Variants in HSPG2 observed in about 807,000 individuals in gnomAD.
HSPG2 encodes heparan sulfate proteoglycan 2, also known as basement membrane-specific heparan sulfate proteoglycan core protein.
Under a neutral mutation model 526.6 loss-of-function variants are expected in HSPG2, and 278 were observed. The observed-to-expected ratio is 0.53, with a 90% CI of 0.48 to 0.58. The LOEUF (loss-of-function observed/expected upper bound fraction) is 0.58, where lower values mean the gene tolerates loss of function less well. Among genes scored for constraint, HSPG2 ranks in the 20% least tolerant of loss-of-function variants. The pLI is 0.00. For synonymous variants in HSPG2, 2,465 were observed against 2,555.4 expected (o/e 0.96, Z 1.07); for missense variants, 5,354 against 6,099.5 (o/e 0.88, Z 4.07).
In HSPG2 at chr1:21,872,223, A is replaced by G. The variant is rs868076162; in HGVS notation, c.4184T>C (p.Phe1395Ser). Residue 1395 changes from phenylalanine (F) to serine (S), a missense_variant, in exon 33 of 97, where the codon TTC (phenylalanine) becomes TCC (serine). By Grantham distance (155) the Phe-to-Ser change is radical. Transcript: ENST00000374695. The surrounding 1 kb of genome is among the most constrained non-coding windows in gnomAD (Gnocchi z 5.5). ...GTATGTCTCCGGCAGCTGCCAGTAG[A>G]AGGACTCATGGCCGAGTTGGGCAAA... ...GNFAQLGHES[F>S]YWQLPETYQG... The G allele has an allele frequency of 1.8e-5, 28 of 1,552,272 alleles. No individual in the cohort carries two copies. In the Middle Eastern group the frequency reaches 4.5e-3, roughly 250 times the overall value.
At chr1:21,869,060 G>C (rs1424280531) in intron 33 of HSPG2, 1 of 262,194 alleles carries the variant, frequency 3.8e-6, no homozygotes. Flanking sequence ...ACCGTCATGG[G>C]AGGGAGGCCT....
rs1642061275 is a variant in HSPG2 at position 21,887,995 on chromosome 1, C to G, written c.646G>C (p.Glu216Gln). The G allele has an allele frequency of 2.5e-6, 4 of 1,614,074 alleles. No homozygotes were observed. The highest frequency in any genetic ancestry group is 1.3e-5 in the African/African-American group (1 of 74,920). ...CHSYNECVALEYRCDRRPDCR... is the reference protein window; with the variant it reads ...CHSYNECVALQYRCDRRPDCR... ...TCGGGCCGCCGGTCACAGCGATACT[C>G]CAGGGCCACACACTCATTGTAGCTG... Residue 216 changes from glutamate (E) to glutamine (Q), a missense_variant, in exon 7 of 97, where the codon GAG (glutamate) becomes CAG (glutamine). By Grantham distance (29) the Glu-to-Gln change is conservative. Transcript: ENST00000374695. This position sits in a 1 kb window ranked among gnomAD's most constrained non-coding sequence, Gnocchi z 5.0.
intron 71 of HSPG2, among the ~76,000 whole-genome samples, 161 bp from the exon 72 acceptor site, chr1:21,840,178 G>A (rs1430763300): frequency 5.3e-5 from 8 of 152,064 alleles, no homozygotes; most frequent in African/African-American, 9.7e-5. Flanking sequence ...TTACTCTGTC[G>A]CACAGGTTGG....
chr1:21,864,974 A>G lies in HSPG2; in HGVS notation c.4495T>C (p.Ser1499Pro). Residue 1499 changes from serine to proline, a missense_variant, in exon 36 of 97, where the codon TCC (serine) becomes CCC (proline). Ser to Pro is a moderately conservative substitution (Grantham distance 74, BLOSUM62 -1). Coordinates refer to ENST00000374695, the MANE Select transcript of HSPG2 (RefSeq NM_005529.7). The surrounding 1 kb of genome is among the most constrained non-coding windows in gnomAD (Gnocchi z 4.8). ...CTGATGCTGGCCGCCAGCGGCACGGAGGAGAACGTGGCCCGGATCAGGAGC... is the reference window on the plus strand; with the variant it reads ...CTGATGCTGGCCGCCAGCGGCACGGGGGAGAACGTGGCCCGGATCAGGAGC... The part of the protein sequence containing the change: ...DELLIRATFS[S>P]VPLAASISAV... The G allele has an allele frequency of 6.3e-7, 1 of 1,593,864 alleles. No individual in the cohort carries two copies. The highest frequency in any genetic ancestry group is 8.5e-7 in the Non-Finnish European group (1 of 1,172,182).
At position 21,839,092 on chromosome 1, in the gene HSPG2, G is replaced by A. The variant is rs377609659; in HGVS notation, c.9890-7C>T. The A allele has an allele frequency of 6.4e-6, 10 of 1,574,628 alleles. No individual in the cohort carries two copies. The African/African-American group carries it at 1.1e-4, about 17-fold the overall frequency. On this transcript the variant is annotated splice_region_variant and splice_polypyrimidine_tract_variant and intron_variant, in intron 73 of 96. Transcript: ENST00000374695. The surrounding 1 kb of genome is among the most constrained non-coding windows in gnomAD (Gnocchi z 4.5). ...GTGGTGGCATATGGTGGGCCTGAGTGGGGGGACACAGAGGTCAGGATTGGG... is the reference window on the plus strand; with the variant it reads ...GTGGTGGCATATGGTGGGCCTGAGTAGGGGGACACAGAGGTCAGGATTGGG...
rs34792235 is a variant in HSPG2 at position 21,846,651 on chromosome 1, C to T, written c.8165-52G>A. On this transcript the variant is annotated intron_variant, in intron 62 of 96. Coordinates refer to ENST00000374695, the MANE Select transcript of HSPG2 (RefSeq NM_005529.7). Reference sequence around the variant, plus strand: ...GCACAGCCGTTGTCAGATTTGGGAACAGGGTTGGTGGGACCCTCTGCCATA... The same window carrying T: ...GCACAGCCGTTGTCAGATTTGGGAATAGGGTTGGTGGGACCCTCTGCCATA... 90,805 of 1,606,920 alleles carry T rather than the reference C, an allele frequency of 0.057. 3,078 individuals are homozygous for T. The highest frequency in any genetic ancestry group is 0.11 in the South Asian group (9,924 of 90,942).
chr1:21,856,347 G>A (rs1183543248), intron 44 of HSPG2, among the ~76,000 whole-genome samples: 1 of 152,152 alleles, frequency 6.6e-6, no homozygotes, highest in Non-Finnish European at 1.5e-5. Flanking sequence ...CTCAGCTTAG[G>A]TGTCACCTCC....
In HSPG2 at chr1:21,890,030, G is replaced by A; in HGVS notation, c.525C>T (p.Ala175=). 1 of 1,614,100 alleles carries A rather than the reference G, an allele frequency of 6.2e-7. No homozygotes were observed. The highest frequency in any genetic ancestry group is 8.5e-7 in the Non-Finnish European group (1 of 1,180,010). ...LLRVISSGSV[A]SYVTSPQGFQ... Reference sequence around the variant, plus strand: ...ATCCCTGGGGAGAGGTGACGTAGGAGGCCACAGAGCCGCTGGAGATGACCC... The same window carrying A: ...ATCCCTGGGGAGAGGTGACGTAGGAAGCCACAGAGCCGCTGGAGATGACCC... Residue 175 remains alanine (A), a synonymous_variant, in exon 6 of 97, where the codon GCC becomes GCT. Transcript: ENST00000374695. This position sits in a 1 kb window ranked among gnomAD's most constrained non-coding sequence, Gnocchi z 4.1.
At chr1:21,862,249 A>G in intron 37 of HSPG2, 134 bp from the exon 38 acceptor site, 1 of 1,079,912 alleles carries the variant, frequency 9.3e-7, no homozygotes, top group Non-Finnish European at 1.4e-6. Flanking sequence ...GAAGGGCACA[A>G]AGATTTCATT....
intron 1 of HSPG2, among the ~76,000 whole-genome samples, chr1:21,910,411 A>G (rs74062216): frequency 0.011 from 1,689 of 152,332 alleles, 31 homozygotes; most frequent in African/African-American, 0.038. Context: ...TCCTGTGCTC[A>G]GCAGCACTGC....
At position 21,931,924 on chromosome 1, in the gene HSPG2, G is replaced by A. The variant is rs531020294; in HGVS notation, c.63+5231C>T. 5.9e-5 allele frequency among the ~76,000 whole-genome samples: 9 copies of A among 152,272 alleles called. No homozygotes were observed. In the East Asian group the frequency reaches 1.7e-3, roughly 29 times the overall value. ...CCACTAGCAGCATGGCAGGGGCAGG[G>A]GCCCCTGACCTCCCACACTGGGCAG... On this transcript the variant is annotated intron_variant, in intron 1 of 96. Transcript: ENST00000374695.
rs1227629728 is a variant in HSPG2 at position 21,893,336 on chromosome 1, T to C, written c.244+2586A>G. Among the ~76,000 whole-genome samples the C allele has an allele frequency of 6.6e-6, 1 of 152,156 alleles. No homozygotes were observed. Among genetic ancestry groups the C allele is most frequent in the East Asian group, 1.9e-4 (1 of 5,182 alleles). ...CATGGGGAAGAACGCCCGCCAGGGT[T>C]CCAGCCCACTGTGTTTAGATCTGTG... On this transcript the variant is annotated intron_variant, in intron 3 of 96. Transcript: ENST00000374695. The surrounding 1 kb of genome is among the most constrained non-coding windows in gnomAD (Gnocchi z 4.3).
rs1323567115 is a variant in HSPG2 at position 21,822,491 on chromosome 1, CGTCCGTCCGTTGTCTGTTGGAGGA to C, written c.*801_*824del. On this transcript the variant is annotated 3_prime_UTR_variant, in exon 97 of 97. Transcript: ENST00000374695. The stretch of plus-strand genomic sequence containing the variant: ...GCTCTTCCTGAGCACCAGCGGCATC[CGTCCGTCCGTTGTCTGTTGGAGGA>C]GTCCCTGGGCCTTCACTTCCAGATG... The C allele has an allele frequency of 8.1e-6, 3 of 371,872 alleles. No individual in the cohort carries two copies. Among genetic ancestry groups the C allele is most frequent in the African/African-American group, 6.3e-5 (3 of 47,480 alleles). 23.0% of individuals were successfully genotyped at this position (371,872 alleles called of 1,614,324 possible).
At chr1:21,877,038 G>A (rs766111815) in intron 21 of HSPG2, among the ~76,000 whole-genome samples, 2 of 132,112 alleles carry the variant, frequency 1.5e-5, no homozygotes, top group Admixed American at 8.9e-5. Flanking sequence ...CAGCCTACGC[G>A]ATGGGAGCGA....
rs764900769 is a variant in HSPG2 at position 21,872,708 on chromosome 1, A to G, written c.3941T>C (p.Leu1314Pro). 6.2e-7 allele frequency: 1 copy of G among 1,609,350 alleles called. No individual in the cohort carries two copies. Among genetic ancestry groups the G allele is most frequent in the Non-Finnish European group, 8.5e-7 (1 of 1,178,650 alleles). ...CSHCRPHHFH[L>P]SASNPDGCLP... ...GCAGCCGTCTGGGTTGCTGGCACTC[A>G]GGTGGAAGTGGTGGGGCCGGCAGTG... The change falls in exon 32 of 97, where the codon CTG becomes CCG. Residue 1314 changes from leucine to proline, a missense_variant. Coordinates refer to ENST00000374695, the MANE Select transcript of HSPG2 (RefSeq NM_005529.7). The surrounding 1 kb of genome is among the most constrained non-coding windows in gnomAD (Gnocchi z 5.5).
At chr1:21,909,966 CGCAGAACTTGAGCTGCT>C (rs1557821784) in intron 1 of HSPG2, among the ~76,000 whole-genome samples, 1 of 152,234 alleles carries the variant, frequency 6.6e-6, no homozygotes, top group Non-Finnish European at 1.5e-5. Flanking sequence ...ACGTTGCTCA[CGCAGAACTTGAGCTGCT>C]GCTCCACCCT....
In HSPG2 at chr1:21,885,162, G is replaced by A; in HGVS notation, c.1211-5C>T. 1 of 1,607,204 alleles carries A rather than the reference G, an allele frequency of 6.2e-7. No homozygotes were observed. The highest frequency in any genetic ancestry group is 8.5e-7 in the Non-Finnish European group (1 of 1,176,450). On this transcript the variant is annotated splice_region_variant and splice_polypyrimidine_tract_variant and intron_variant, in intron 10 of 96. Transcript: ENST00000374695. ...GTGTCACCACCTGGGGGGGCACTGA[G>A]GAGACCAGGGCAGGAGTGAGGGGTC... is the stretch of plus-strand genomic sequence containing the variant.
rs1640174760 is a variant in HSPG2, at chr1:21,865,746, G to C, written c.4285C>G (p.Pro1429Ala). ...ATCTGCACATCGGGGTCAGAGAGTG[G>C]GCTGCCCTGTGGGCCTGCTGTGTAG... The part of the protein sequence containing the change: ...LSYTAGPQGS[P>A]LSDPDVQITG... Residue 1429 changes from proline (P) to alanine (A), a missense_variant, in exon 34 of 97, where the codon CCA becomes GCA. Coordinates refer to ENST00000374695, the MANE Select transcript of HSPG2 (RefSeq NM_005529.7). This position sits in a 1 kb window ranked among gnomAD's most constrained non-coding sequence, Gnocchi z 5.4. 6.2e-7 allele frequency: 1 copy of C among 1,613,786 alleles called. No individual in the cohort carries two copies. The highest frequency in any genetic ancestry group is 1.7e-5 in the Admixed American group (1 of 60,004).
rs369296895 is a variant in HSPG2, at chr1:21,887,972, G to A, written c.669C>T (p.Pro223=). ...GCTCATCAGACATGTCCCTGCAGTCGGGCCGCCGGTCACAGCGATACTCCA... is the reference window on the plus strand; with the variant it reads ...GCTCATCAGACATGTCCCTGCAGTCAGGCCGCCGGTCACAGCGATACTCCA... The part of the protein sequence containing the change: ...VALEYRCDRR[P]DCRDMSDELN... Residue 223 remains proline (P), a synonymous_variant, in exon 7 of 97, where the codon CCC becomes CCT. Coordinates refer to ENST00000374695, the MANE Select transcript of HSPG2 (RefSeq NM_005529.7). This position sits in a 1 kb window ranked among gnomAD's most constrained non-coding sequence, Gnocchi z 5.0. The A allele has an allele frequency of 5.5e-5, 88 of 1,614,112 alleles. No homozygotes were observed. The highest frequency in any genetic ancestry group is 4.6e-4 in the South Asian group (42 of 91,072).
Sources: gnomAD v4.1 joint callset for allele counts (sites outside exome capture counted in the v4.1 genomes callset) on GRCh38, gnomAD v4.1.1 for gene constraint, Gnocchi (gnomAD v3.1) non-coding constraint, MANE v1.5 for transcripts, NCBI Gene and HGNC (gene_info 2026-07-23, HGNC 2026-07-21) for gene names.